The following RS1 variants were observed in gnomAD, a reference collection of about 807,000 sequenced individuals.
RS1 encodes the protein retinoschisin 1, also known as retinoschisin.
In RS1, 2 loss-of-function variants were observed where a neutral mutation model predicts 20.8. The ratio of observed to expected loss-of-function variants is 0.10; its 90% CI spans 0.04 to 0.30. The LOEUF is 0.30. Ranked by LOEUF, RS1 falls within the 10% of genes least tolerant of loss-of-function variation. The probability of loss-of-function intolerance (pLI) is 1.00; values close to 1 mark genes in which losing one functional copy is unlikely to be tolerated. For synonymous variants in RS1, 70 were observed against 75.8 expected (o/e 0.92, Z 0.40); for missense variants, 151 against 189.8 (o/e 0.80, Z 1.20).
chrX:18,652,407 G>A (rs1264425550), intron 3 of RS1, among the ~76,000 whole-genome samples: 2 of 112,428 alleles, frequency 1.8e-5, no homozygotes, highest in Non-Finnish European at 3.8e-5. Flanking sequence ...AGTGGCTCAC[G>A]CCTGTAATCC....
chrX:18,650,424 T>C, intron 3 of RS1: 7 of 1,211,991 alleles, frequency 5.8e-6, no homozygotes, highest in Non-Finnish European at 7.8e-6. Flanking sequence ...ATACTTCTGC[T>C]GTGGTGACCC....
At chrX:18,659,039 C>T (rs6633111) in intron 1 of RS1, among the ~76,000 whole-genome samples, 1 of 111,660 alleles carries the variant, frequency 9.0e-6, no homozygotes, top group Non-Finnish European at 1.9e-5. Flanking sequence ...CATATAAGCT[C>T]TCTTTATAGA....
intron 1 of RS1, among the ~76,000 whole-genome samples, 175 bp from the exon 2 acceptor site, chrX:18,657,840 G>T (rs1291067265): frequency 8.9e-6 from 1 of 112,135 alleles, no homozygotes; most frequent in Non-Finnish European, 1.9e-5. Context: ...CAGATGCTAA[G>T]AAGCTAGGGA....
chrX:18,653,282 T>A lies in RS1; in HGVS notation c.184+3371A>T, dbSNP rs1928124627. ...CTCAACGGTGGAAGAGACAGAGCTTTTAGTATTTTTAATAGCATTAAAGTG... is the reference window on the plus strand; with the variant it reads ...CTCAACGGTGGAAGAGACAGAGCTTATAGTATTTTTAATAGCATTAAAGTG... On this transcript the variant is annotated intron_variant, in intron 3 of 5. Transcript: ENST00000379984. 6 of 1,090,328 alleles carry A rather than the reference T, an allele frequency of 5.5e-6. No individual in the cohort carries two copies. The Admixed American group carries it at 1.8e-4, about 33-fold the overall frequency. 89.9% of individuals were successfully genotyped at this position (1,090,328 alleles called of 1,213,427 possible). A position where few individuals can be genotyped will look rare whatever the true frequency, so the allele number is the denominator to read the frequency against.
chrX:18,663,032 C>CTTTTTTTTTTT (rs55857398), intron 1 of RS1, among the ~76,000 whole-genome samples: 1 of 74,787 alleles, frequency 1.3e-5, no homozygotes, highest in East Asian at 5.3e-4. Flanking sequence ...AGAACAATGA[C>CTTTTTTTTTTT]TTTTTTTTTT....
chrX:18,652,020 T>G (rs1301193871), intron 3 of RS1, among the ~76,000 whole-genome samples: 1 of 109,970 alleles, frequency 9.1e-6, no homozygotes, highest in African/African-American at 3.3e-5. Flanking sequence ...CCCCAGGTGC[T>G]ACCTCCCCAG....
At chrX:18,665,924 C>CCTCAG (rs1240337129) in intron 1 of RS1, among the ~76,000 whole-genome samples, 8 of 108,138 alleles carry the variant, frequency 7.4e-5, no homozygotes, top group African/African-American at 2.7e-4. Context: ...TTTTCCTGTC[C>CCTCAG]CTCAGCTCAC....
chrX:18,668,481 G>A (rs1016504599), intron 1 of RS1, among the ~76,000 whole-genome samples: 3 of 113,052 alleles, frequency 2.7e-5, no homozygotes, highest in East Asian at 2.8e-4. Context: ...AGATGAAGCC[G>A]AGAAGAAAAG....
At chrX:18,668,187 C>T (rs999045775) in intron 1 of RS1, among the ~76,000 whole-genome samples, 10 of 111,875 alleles carry the variant, frequency 8.9e-5, no homozygotes, top group African/African-American at 2.9e-4. Context: ...TCTGTGATTC[C>T]GCCACATGTT....
intron 5 of RS1, 36 bp downstream of exon 5, chrX:18,644,394 G>A: frequency 8.5e-7 from 1 of 1,181,599 alleles, no homozygotes; most frequent in Non-Finnish European, 1.2e-6. Context: ...CCCAGAGGGT[G>A]CGAGCTGAAG....
chrX:18,668,938 G>T (rs1022990946), intron 1 of RS1, among the ~76,000 whole-genome samples: 2 of 111,215 alleles, frequency 1.8e-5, no homozygotes, highest in African/African-American at 6.5e-5. Context: ...TAAAACGATC[G>T]AACAATAGAC....
intron 3 of RS1, among the ~76,000 whole-genome samples, chrX:18,654,332 G>C (rs937989135): frequency 1.8e-5 from 2 of 110,532 alleles, no homozygotes; most frequent in Admixed American, 9.6e-5. Context: ...TCTAGAGATG[G>C]GGTTTCGTCA....
At chrX:18,653,348 G>A in intron 3 of RS1, 1 of 1,170,952 alleles carries the variant, frequency 8.5e-7, no homozygotes, top group Non-Finnish European at 1.1e-6. Flanking sequence ...TCTGCTCCGT[G>A]GGGGGCCCGG....
intron 1 of RS1, among the ~76,000 whole-genome samples, chrX:18,662,643 T>C (rs1345788021): frequency 9.2e-6 from 1 of 108,819 alleles, no homozygotes; most frequent in Non-Finnish European, 1.9e-5. Flanking sequence ...TTTTTTTTTT[T>C]TTGAGATGGA....
At chrX:18,658,782 C>CAAT (rs1314410784) in intron 1 of RS1, among the ~76,000 whole-genome samples, 1 of 103,640 alleles carries the variant, frequency 9.6e-6, no homozygotes, top group African/African-American at 3.7e-5. Context: ...ATTAAATCTT[C>CAAT]ATCATCATCA....
intron 3 of RS1, among the ~76,000 whole-genome samples, chrX:18,648,076 C>T (rs994661288): frequency 1.5e-4 from 17 of 110,985 alleles, no homozygotes; most frequent in African/African-American, 5.6e-4. Context: ...GTGACTCATG[C>T]CTGTAATCCC....
intron 1 of RS1, among the ~76,000 whole-genome samples, chrX:18,666,351 GTGGGCAAAGCATTC>G (rs1375888652): frequency 8.9e-6 from 1 of 111,804 alleles, no homozygotes; most frequent in African/African-American, 3.3e-5. Flanking sequence ...CGAGACACCT[GTGGGCAAAGCATTC>G]TGGGCAGAGG....
At chrX:18,648,003 G>T (rs1236085084) in intron 3 of RS1, among the ~76,000 whole-genome samples, 1 of 111,394 alleles carries the variant, frequency 9.0e-6, no homozygotes, top group Middle Eastern at 4.7e-3. Flanking sequence ...TGTGTTGATT[G>T]TCTCCCCCTT....
Position 18,656,324 on chromosome X carries a change from A to G in RS1, c.184+329T>C, listed in dbSNP as rs143676491. ...AATTTATTTTCAATCAGTCTCATTC[A>G]TCGATTTCATTGAAAGTTAGATCCC... On this transcript the variant is annotated intron_variant, in intron 3 of 5. Transcript: ENST00000379984. 2.7e-3 allele frequency among the ~76,000 whole-genome samples: 300 copies of G among 111,590 alleles called. 3 individuals carry two copies. Among genetic ancestry groups the G allele is most frequent in the African/African-American group, 9.4e-3 (288 of 30,711 alleles).
Sources: gnomAD v4.1 joint callset for allele counts (sites outside exome capture counted in the v4.1 genomes callset) on GRCh38, gnomAD v4.1.1 for gene constraint, MANE v1.5 for transcripts, NCBI Gene and HGNC (gene_info 2026-07-23, HGNC 2026-07-21) for gene names.